RALGPS2: variants seen among roughly 807,000 people sequenced by gnomAD.
The protein encoded by RALGPS2 is Ral GEF with PH domain and SH3 binding motif 2, also known as ras-specific guanine nucleotide-releasing factor RalGPS2.
RALGPS2 carries 43 observed loss-of-function variants against 86.8 expected under a neutral mutation model. The observed-to-expected ratio is 0.50, with a 90% CI of 0.39 to 0.64. The LOEUF (loss-of-function observed/expected upper bound fraction) is 0.64, where lower values mean the gene tolerates loss of function less well. Ranked by LOEUF, RALGPS2 falls within the 30% of genes least tolerant of loss-of-function variation. RALGPS2 has a pLI of 0.00. For synonymous variants in RALGPS2, 243 were observed against 231.3 expected (o/e 1.05, Z -0.46); for missense variants, 536 against 694.6 (o/e 0.77, Z 2.57).
chr1:178,802,166 T>C (rs764366781), intron 4 of RALGPS2, among the ~76,000 whole-genome samples: 4 of 152,082 alleles, frequency 2.6e-5, no homozygotes, highest in Middle Eastern at 3.4e-3. Flanking sequence ...AAACAGTCGA[T>C]TAACACATAG....
chr1:178,757,717 GT>G (rs1652025427), intron 1 of RALGPS2, among the ~76,000 whole-genome samples: 1 of 152,018 alleles, frequency 6.6e-6, no homozygotes. Flanking sequence ...AGATTTTTAC[GT>G]TTATGTTCAT....
intron 14 of RALGPS2, among the ~76,000 whole-genome samples, chr1:178,891,472 T>C: frequency 6.6e-6 from 1 of 152,134 alleles, no homozygotes; most frequent in East Asian, 1.9e-4. Flanking sequence ...GTTGTCTTTT[T>C]TTCTAGACAG....
At chr1:178,761,423 CTG>C (rs1203527273) in intron 1 of RALGPS2, among the ~76,000 whole-genome samples, 2 of 149,634 alleles carry the variant, frequency 1.3e-5, no homozygotes, top group Non-Finnish European at 3.0e-5. Context: ...GAGTGACACT[CTG>C]TCTCAAAAAA....
rs1455431792 is a variant in RALGPS2 at position 178,917,402 on chromosome 1, CTCTT to C, written c.*1045_*1048del. On this transcript the variant is annotated 3_prime_UTR_variant, in exon 20 of 20. Coordinates refer to ENST00000367635, the MANE Select transcript of RALGPS2 (RefSeq NM_152663.5). ...GTTATTTTTTTATTATTCATTTTCT[CTCTT>C]TTTGTTCAATATGAGATTCAGGATC... The C allele has an allele frequency of 4.6e-5, 7 of 151,986 alleles. No homozygotes were observed. The highest frequency in any genetic ancestry group is 1.0e-4 in the Non-Finnish European group (7 of 67,962). The allele number at this position is 151,986 out of a possible 1,614,324, so 9.4% of individuals were successfully genotyped here. A position where few individuals can be genotyped will look rare whatever the true frequency, so the allele number is the denominator to read the frequency against.
chr1:178,905,395 GGTGA>G (rs1013199489), intron 18 of RALGPS2, among the ~76,000 whole-genome samples: 4 of 152,050 alleles, frequency 2.6e-5, no homozygotes, highest in South Asian at 4.1e-4. Flanking sequence ...GCGGGGGAGG[GGTGA>G]GTATGTAAAT....
Position 178,878,882 on chromosome 1 carries a change from AT to A in RALGPS2, c.746-17del, listed in dbSNP as rs780093550. ...TTAAGATGTACTTTATCAGATAATT[AT>A]TTATCACCTTTTGCCTAGATATTCC... is the stretch of plus-strand genomic sequence containing the variant. On this transcript the variant is annotated intron_variant, in intron 9 of 19. Transcript: ENST00000367635. The A allele has an allele frequency of 3.7e-6, 6 of 1,610,432 alleles. No individual in the cohort carries two copies. In the South Asian group the frequency reaches 6.7e-5, roughly 18 times the overall value.
At position 178,921,751 on chromosome 1, in the gene RALGPS2, G is replaced by C. The variant is rs958736515; in HGVS notation, c.*5392G>C. ...TTTTAATATGCAAATGTGAGTGTGCGATCTTCAGTGTGTCTGCATAAGCTA... is the reference window on the plus strand; with the variant it reads ...TTTTAATATGCAAATGTGAGTGTGCCATCTTCAGTGTGTCTGCATAAGCTA... On this transcript the variant is annotated 3_prime_UTR_variant, in exon 20 of 20. Coordinates refer to ENST00000367635, the MANE Select transcript of RALGPS2 (RefSeq NM_152663.5). 6.6e-6 allele frequency: 1 copy of C among 152,006 alleles called. No homozygotes were observed. The highest frequency in any genetic ancestry group is 2.1e-4 in the South Asian group (1 of 4,834). 9.4% of individuals were successfully genotyped at this position (152,006 alleles called of 1,614,324 possible).
chr1:178,869,074 G>T (rs1658589226), intron 8 of RALGPS2: 1 of 151,788 alleles, frequency 6.6e-6, no homozygotes. Flanking sequence ...ATTTTCCTAG[G>T]CCCCAAGAGA....
At chr1:178,818,787 GGCT>G (rs1443191402) in intron 6 of RALGPS2, among the ~76,000 whole-genome samples, 1 of 152,128 alleles carries the variant, frequency 6.6e-6, no homozygotes, top group Non-Finnish European at 1.5e-5. Flanking sequence ...ACTGTTTAAA[GGCT>G]GTTGGTTTTT....
At chr1:178,891,218 TC>T (rs1468174109) in intron 14 of RALGPS2, among the ~76,000 whole-genome samples, 1 of 152,126 alleles carries the variant, frequency 6.6e-6, no homozygotes, top group Non-Finnish European at 1.5e-5. Context: ...AAGCTACTTT[TC>T]TTATGCCAAG....
At chr1:178,730,511 A>G (rs1177606747) in intron 1 of RALGPS2, among the ~76,000 whole-genome samples, 1 of 151,318 alleles carries the variant, frequency 6.6e-6, no homozygotes, top group African/African-American at 2.4e-5. Flanking sequence ...ATTTGTCTCT[A>G]ATTTTTTTTT....
chr1:178,883,352 C>A, intron 10 of RALGPS2, 114 bp from the exon 11 acceptor site: 1 of 779,892 alleles, frequency 1.3e-6, no homozygotes, highest in South Asian at 1.6e-5. Flanking sequence ...GTATATAGGT[C>A]AGATTATTTC....
chr1:178,888,337 T>A (rs1353404666), intron 13 of RALGPS2, among the ~76,000 whole-genome samples: 3 of 152,168 alleles, frequency 2.0e-5, no homozygotes, highest in Non-Finnish European at 2.9e-5. Context: ...CACACGAGTT[T>A]TTCCCTCAGC....
chr1:178,730,216 A>G (rs1273299049), intron 1 of RALGPS2, among the ~76,000 whole-genome samples: 1 of 152,184 alleles, frequency 6.6e-6, no homozygotes, highest in Non-Finnish European at 1.5e-5. Flanking sequence ...TGCTGAGATT[A>G]CAGGTGTGAG....
At chr1:178,805,735 C>T (rs1056752826) in intron 4 of RALGPS2, among the ~76,000 whole-genome samples, 3 of 152,088 alleles carry the variant, frequency 2.0e-5, no homozygotes, top group Non-Finnish European at 4.4e-5. Flanking sequence ...TCTCTCCCCC[C>T]ATTTATATAA....
At chr1:178,799,734 C>T (rs1317191429) in intron 4 of RALGPS2, among the ~76,000 whole-genome samples, 1 of 152,126 alleles carries the variant, frequency 6.6e-6, no homozygotes, top group African/African-American at 2.4e-5. Flanking sequence ...GTGTGTTCAA[C>T]ACCAAAGGCT....
At chr1:178,864,404 G>A (rs1161230722) in intron 8 of RALGPS2, among the ~76,000 whole-genome samples, 1 of 152,092 alleles carries the variant, frequency 6.6e-6, no homozygotes, top group African/African-American at 2.4e-5. Context: ...TTGTACAGAT[G>A]CTTTCAAGAT....
chr1:178,744,176 C>G (rs923476850), intron 1 of RALGPS2, among the ~76,000 whole-genome samples: 2 of 152,094 alleles, frequency 1.3e-5, no homozygotes, highest in African/African-American at 4.8e-5. Context: ...GGGTTTATTT[C>G]AGGAATGCAA....
intron 4 of RALGPS2, among the ~76,000 whole-genome samples, chr1:178,795,129 G>A (rs762156848): frequency 2.0e-5 from 3 of 151,362 alleles, no homozygotes; most frequent in East Asian, 1.9e-4. Context: ...GCAGTGAGCC[G>A]AGATTGCGCC....
Sources: gnomAD v4.1 joint callset for allele counts (sites outside exome capture counted in the v4.1 genomes callset) on GRCh38, gnomAD v4.1.1 for gene constraint, MANE v1.5 for transcripts, NCBI Gene and HGNC (gene_info 2026-07-23, HGNC 2026-07-21) for gene names.